The following BRINP3 variants were observed in gnomAD, a reference collection of about 807,000 sequenced individuals.
BRINP3 encodes the protein BMP/retinoic acid-inducible neural-specific protein 3.
BRINP3 carries 19 observed loss-of-function variants against 71.0 expected under a neutral mutation model. The ratio of observed to expected loss-of-function variants is 0.27; its 90% CI spans 0.19 to 0.39. The LOEUF (loss-of-function observed/expected upper bound fraction) is 0.39. BRINP3 is among the 10% of genes least tolerant of loss of function. The probability of loss-of-function intolerance (pLI) is 1.00; values close to 1 mark genes in which losing one functional copy is unlikely to be tolerated. For missense variants in BRINP3, 959 were observed against 940.8 expected, an observed-to-expected ratio of 1.02 and a Z score of -0.25; for synonymous variants, 380 against 337.7, an observed-to-expected ratio of 1.13 and a Z score of -1.37.
At chr1:190,388,498 T>C (rs1450451384) in intron 2 of BRINP3, among the ~76,000 whole-genome samples, 2 of 151,736 alleles carry the variant, frequency 1.3e-5, no homozygotes, top group Non-Finnish European at 2.9e-5. Context: ...GAATGCCATG[T>C]TATGACAGAG....
At chr1:190,157,598 A>G (rs1406753827) in intron 7 of BRINP3, among the ~76,000 whole-genome samples, 1 of 152,094 alleles carries the variant, frequency 6.6e-6, no homozygotes, top group Non-Finnish European at 1.5e-5. Context: ...ATAATGTATT[A>G]CATGGTTTTC....
chr1:190,399,940 T>A (rs1671817723), intron 2 of BRINP3, among the ~76,000 whole-genome samples: 1 of 152,088 alleles, frequency 6.6e-6, no homozygotes. Flanking sequence ...AATAGTAGTT[T>A]GATCACTTTC....
chr1:190,359,458 C>T (rs1668985880), intron 2 of BRINP3, among the ~76,000 whole-genome samples: 1 of 151,858 alleles, frequency 6.6e-6, no homozygotes, highest in African/African-American at 2.4e-5. Context: ...ATAATGAGGC[C>T]CCAGTGAAAA....
chr1:190,451,457 T>G (rs991255054), intron 2 of BRINP3, among the ~76,000 whole-genome samples: 2 of 152,170 alleles, frequency 1.3e-5, no homozygotes, highest in Admixed American at 6.5e-5. Flanking sequence ...AGAATACAAC[T>G]GCAAACACAA....
intron 7 of BRINP3, among the ~76,000 whole-genome samples, chr1:190,147,982 T>G (rs1171079673): frequency 1.3e-5 from 2 of 152,196 alleles, no homozygotes; most frequent in African/African-American, 4.8e-5. Context: ...TTGTGCACAC[T>G]TTTTCTCTTC....
At chr1:190,252,233 A>C (rs1298456913) in intron 4 of BRINP3, among the ~76,000 whole-genome samples, 1 of 152,058 alleles carries the variant, frequency 6.6e-6, no homozygotes, top group African/African-American at 2.4e-5. Context: ...AAAATGAGAG[A>C]GATTCTGCCA....
chr1:190,125,222 G>C (rs903665649), intron 7 of BRINP3, among the ~76,000 whole-genome samples: 1 of 151,838 alleles, frequency 6.6e-6, no homozygotes, highest in Non-Finnish European at 1.5e-5. Context: ...AAAGAGCTCT[G>C]TCATCAAGTA....
At chr1:190,276,621 A>G (rs1471570309) in intron 3 of BRINP3, among the ~76,000 whole-genome samples, 1 of 151,194 alleles carries the variant, frequency 6.6e-6, no homozygotes, top group Non-Finnish European at 1.5e-5. Flanking sequence ...CATTGGAGGC[A>G]TAGTTTTACA....
At chr1:190,281,536 A>G in intron 3 of BRINP3, 24 bp downstream of exon 3, 3 of 1,606,556 alleles carry the variant, frequency 1.9e-6, no homozygotes, top group Non-Finnish European at 2.6e-6. Flanking sequence ...ACACACAGGC[A>G]CAAATAGGTT....
At chr1:190,177,741 A>T (rs1218054654) in intron 6 of BRINP3, among the ~76,000 whole-genome samples, 1 of 152,188 alleles carries the variant, frequency 6.6e-6, no homozygotes, top group Non-Finnish European at 1.5e-5. Flanking sequence ...TCTTGGGAAT[A>T]AATCTTTCCT....
intron 4 of BRINP3, among the ~76,000 whole-genome samples, chr1:190,247,014 AT>A (rs1659673565): frequency 6.6e-6 from 1 of 151,990 alleles, no homozygotes; most frequent in African/African-American, 2.4e-5. Context: ...GTTCTGACAT[AT>A]TAAATATAGT....
intron 2 of BRINP3, among the ~76,000 whole-genome samples, chr1:190,394,706 T>C (rs573325389): frequency 7.7e-4 from 117 of 151,792 alleles, no homozygotes; most frequent in African/African-American, 2.7e-3. Context: ...TTTCTAAATA[T>C]ACTGTGTTCA....
chr1:190,438,805 A>T (rs1326508185), intron 2 of BRINP3, among the ~76,000 whole-genome samples: 1 of 151,890 alleles, frequency 6.6e-6, no homozygotes, highest in Non-Finnish European at 1.5e-5. Flanking sequence ...TCAAGATGCC[A>T]TAATAGTGAC....
Position 190,181,200 on chromosome 1 carries a change from G to A in BRINP3, c.962-20310C>T, listed in dbSNP as rs79016938. Among the ~76,000 whole-genome samples the A allele has an allele frequency of 4.8e-3, 733 of 152,040 alleles. 8 individuals are homozygous for A. The highest frequency in any genetic ancestry group is 0.016 in the African/African-American group (677 of 41,488). On this transcript the variant is annotated intron_variant, in intron 6 of 7. Coordinates refer to ENST00000367462, the MANE Select transcript of BRINP3 (RefSeq NM_199051.3). ...GGCTTTTTTCTTTACTTATCATAAT[G>A]CCCTCACGATACATCAAAGTTATTG...
chr1:190,144,355 T>G (rs1655705778), intron 7 of BRINP3, among the ~76,000 whole-genome samples: 1 of 152,172 alleles, frequency 6.6e-6, no homozygotes, highest in East Asian at 1.9e-4. Flanking sequence ...TGACTCCAAG[T>G]TTAGGGCAGG....
At chr1:190,385,791 T>C (rs1379567394) in intron 2 of BRINP3, among the ~76,000 whole-genome samples, 1 of 151,828 alleles carries the variant, frequency 6.6e-6, no homozygotes, top group Non-Finnish European at 1.5e-5. Flanking sequence ...CATATGTTTA[T>C]TGTGGCATTA....
At chr1:190,448,876 A>G (rs1571340835) in intron 2 of BRINP3, among the ~76,000 whole-genome samples, 1 of 152,072 alleles carries the variant, frequency 6.6e-6, no homozygotes, top group East Asian at 1.9e-4. Context: ...GGAAATTTTC[A>G]AAATACACAT....
rs913954224 is a variant in BRINP3, at chr1:190,140,661, C to A, written c.1184+20007G>T. Among the ~76,000 whole-genome samples the A allele has an allele frequency of 4.6e-5, 7 of 152,216 alleles. No homozygotes were observed. In the East Asian group the frequency reaches 1.2e-3, roughly 25 times the overall value. On this transcript the variant is annotated intron_variant, in intron 7 of 7. Transcript: ENST00000367462. ...CTTTAATAAAATGTTAAAATTAAAG[C>A]TGTAGAATTTGTTTTCAAATTTAGT...
chr1:190,378,401 T>A (rs916541397), intron 2 of BRINP3, among the ~76,000 whole-genome samples: 1 of 152,170 alleles, frequency 6.6e-6, no homozygotes, highest in Admixed American at 6.5e-5. Context: ...CAGACCATTG[T>A]AGGCAATTCT....
Sources: allele counts gnomAD v4.1 joint callset (sites outside exome capture counted in the v4.1 genomes callset), GRCh38; gene constraint gnomAD v4.1.1; transcripts MANE v1.5; gene names NCBI Gene and HGNC (gene_info 2026-07-23, HGNC 2026-07-21).